Variants in NRG3 observed in about 807,000 individuals in gnomAD.
The protein encoded by NRG3 is neuregulin 3.
Under a neutral mutation model 66.9 loss-of-function variants are expected in NRG3, and 31 were observed. That is an observed-to-expected ratio of 0.46 (90% CI 0.35 to 0.63). The LOEUF (loss-of-function observed/expected upper bound fraction) is 0.63, where lower values mean the gene tolerates loss of function less well. NRG3 is among the 20% of genes least tolerant of loss of function. NRG3 has a pLI of 0.00. For missense variants in NRG3, 910 were observed against 878.9 expected (o/e 1.04, Z -0.45); for synonymous variants, 393 against 359.4 (o/e 1.09, Z -1.06).
chr10:82,094,591 T>C (rs2066222145), intron 1 of NRG3, among the ~76,000 whole-genome samples: 1 of 152,192 alleles, frequency 6.6e-6, no homozygotes, highest in African/African-American at 2.4e-5. Context: ...AATCTAAGTG[T>C]CCATCAATGG....
intron 2 of NRG3, among the ~76,000 whole-genome samples, chr10:82,473,088 C>T (rs543575637): frequency 1.3e-5 from 2 of 152,180 alleles, no homozygotes; most frequent in Non-Finnish European, 2.9e-5. Context: ...TGTGAACACA[C>T]CCAGTTGTTG....
At chr10:81,987,087 T>A (rs2060553119) in intron 1 of NRG3, among the ~76,000 whole-genome samples, 1 of 152,174 alleles carries the variant, frequency 6.6e-6, no homozygotes, top group Admixed American at 6.5e-5. Context: ...TGTGCATTTT[T>A]TTTTTTCTGA....
At chr10:81,961,316 G>T (rs1399889269) in intron 1 of NRG3, among the ~76,000 whole-genome samples, 1 of 152,066 alleles carries the variant, frequency 6.6e-6, no homozygotes, top group Admixed American at 6.6e-5. Context: ...TTGTGGATAT[G>T]GTTTCATGAT....
intron 1 of NRG3, among the ~76,000 whole-genome samples, chr10:82,270,810 C>A (rs1187704745): frequency 6.6e-6 from 1 of 152,088 alleles, no homozygotes; most frequent in Non-Finnish European, 1.5e-5. Flanking sequence ...TGCATGGATG[C>A]ATCTGTAACA....
intron 2 of NRG3, among the ~76,000 whole-genome samples, chr10:82,471,764 C>G (rs1374094631): frequency 6.6e-5 from 10 of 151,888 alleles, no homozygotes; most frequent in African/African-American, 1.9e-4. Context: ...TGGCAGGCAC[C>G]TATAATCCCA....
intron 1 of NRG3, among the ~76,000 whole-genome samples, chr10:81,997,415 C>T (rs1038547114): frequency 1.3e-5 from 2 of 152,212 alleles, no homozygotes; most frequent in African/African-American, 4.8e-5. Context: ...GCTCAGATGC[C>T]TTCTCCTCCA....
intron 2 of NRG3, among the ~76,000 whole-genome samples, chr10:82,602,363 A>G (rs1029481612): frequency 6.6e-6 from 1 of 152,180 alleles, no homozygotes; most frequent in African/African-American, 2.4e-5. Flanking sequence ...TTCTTATCAC[A>G]TCACAGTATA....
intron 3 of NRG3, among the ~76,000 whole-genome samples, chr10:82,831,736 T>C (rs1446905470): frequency 6.6e-6 from 1 of 152,016 alleles, no homozygotes; most frequent in Non-Finnish European, 1.5e-5. Flanking sequence ...ATTGCTTGAA[T>C]CTGAGAGACG....
intron 2 of NRG3, among the ~76,000 whole-genome samples, chr10:82,664,238 A>T (rs941860130): frequency 1.3e-5 from 2 of 152,172 alleles, no homozygotes; most frequent in African/African-American, 4.8e-5. Flanking sequence ...TAATACTGCC[A>T]TACAATTTCT....
intron 7 of NRG3, among the ~76,000 whole-genome samples, chr10:82,976,389 T>A (rs937116033): frequency 2.6e-5 from 4 of 152,114 alleles, no homozygotes; most frequent in African/African-American, 7.2e-5. Flanking sequence ...TGTAGGTTTT[T>A]TGCATTGAAA....
intron 2 of NRG3, among the ~76,000 whole-genome samples, chr10:82,364,583 T>C (rs965811698): frequency 6.6e-6 from 1 of 152,154 alleles, no homozygotes; most frequent in Non-Finnish European, 1.5e-5. Flanking sequence ...ATTGAAAAGA[T>C]TGCTACACAT....
At chr10:82,360,495 A>T (rs1398914076) in intron 2 of NRG3, among the ~76,000 whole-genome samples, 1 of 152,244 alleles carries the variant, frequency 6.6e-6, no homozygotes, top group Non-Finnish European at 1.5e-5. Flanking sequence ...TACCAAGAGG[A>T]GGAATCAGAT....
intron 2 of NRG3, among the ~76,000 whole-genome samples, chr10:82,377,417 T>G (rs2085311862): frequency 7.0e-6 from 1 of 143,368 alleles, no homozygotes; most frequent in Admixed American, 6.8e-5. Context: ...GAGAGAGAGG[T>G]GTATGTGTGT....
At chr10:82,241,097 C>G (rs1286412497) in intron 1 of NRG3, among the ~76,000 whole-genome samples, 1 of 152,036 alleles carries the variant, frequency 6.6e-6, no homozygotes, top group African/African-American at 2.4e-5. Flanking sequence ...ATAATTTATA[C>G]TTTTCTATGA....
At chr10:81,977,279 C>T (rs1214556510) in intron 1 of NRG3, among the ~76,000 whole-genome samples, 1 of 152,096 alleles carries the variant, frequency 6.6e-6, no homozygotes, top group Admixed American at 6.6e-5. Context: ...CTGTCTACTG[C>T]AGTAAGCCGT....
chr10:82,095,354 T>G (rs1048953038), intron 1 of NRG3, among the ~76,000 whole-genome samples: 13 of 151,734 alleles, frequency 8.6e-5, no homozygotes, highest in Non-Finnish European at 1.6e-4. Flanking sequence ...TTGGGGAGCT[T>G]GACTGCAATA....
At chr10:82,584,569 G>A (rs1024981395) in intron 2 of NRG3, among the ~76,000 whole-genome samples, 1 of 152,148 alleles carries the variant, frequency 6.6e-6, no homozygotes, top group Non-Finnish European at 1.5e-5. Flanking sequence ...CTTGAACTTT[G>A]CAATCCTCAC....
intron 2 of NRG3, among the ~76,000 whole-genome samples, chr10:82,583,338 T>G (rs1445017762): frequency 3.3e-5 from 5 of 152,196 alleles, no homozygotes; most frequent in Non-Finnish European, 7.3e-5. Context: ...CAAGTGAATT[T>G]TCTCCACTAA....
intron 3 of NRG3, among the ~76,000 whole-genome samples, chr10:82,758,600 T>C (rs917461580): frequency 9.2e-5 from 14 of 152,220 alleles, no homozygotes; most frequent in Admixed American, 2.0e-4. Context: ...CTTCAGTATT[T>C]TAGCAGGAAG....
Sources: gnomAD v4.1 joint callset for allele counts (sites outside exome capture counted in the v4.1 genomes callset) on GRCh38, gnomAD v4.1.1 for gene constraint, MANE v1.5 for transcripts, NCBI Gene and HGNC (gene_info 2026-07-23, HGNC 2026-07-21) for gene names.